The following LAMC2 variants were observed in gnomAD, a reference collection of about 807,000 sequenced individuals.
LAMC2 encodes the protein laminin subunit gamma 2, also known as laminin subunit gamma-2.
A neutral mutation model predicts 140.2 loss-of-function variants in LAMC2; 97 were observed. The observed-to-expected ratio is 0.69, with a 90% confidence interval of 0.59 to 0.82. The LOEUF (loss-of-function observed/expected upper bound fraction) is 0.82. Ranked by LOEUF, LAMC2 falls within the 40% of genes least tolerant of loss-of-function variation. LAMC2 has a pLI of 0.00. For synonymous variants in LAMC2, 513 were observed against 540.2 expected (o/e 0.95, Z 0.70); for missense variants, 1,402 against 1,476.1 (o/e 0.95, Z 0.82).
At position 183,227,699 on chromosome 1, in the gene LAMC2, T is replaced by C. The variant is rs1659671617; in HGVS notation, c.1468+2T>C. On this transcript the variant is annotated splice_donor_variant, in intron 10 of 22. Coordinates refer to ENST00000264144, the MANE Select transcript of LAMC2 (RefSeq NM_005562.3). LOFTEE classifies it high-confidence loss of function. ...ATAACTGCCCTCCCGGGGTCACCGG[T>C]AAGGCCATGGGTCTGCTCTGCCACC... 1.2e-6 allele frequency: 2 copies of C among 1,613,912 alleles called. No individual in the cohort carries two copies. The highest frequency in any genetic ancestry group is 1.7e-6 in the Non-Finnish European group (2 of 1,179,824).
At chr1:183,240,476 A>AGG in intron 22 of LAMC2, 85 bp downstream of exon 22, 1 of 1,563,366 alleles carries the variant, frequency 6.4e-7, no homozygotes, top group Non-Finnish European at 8.7e-7. Context: ...GCCCCAGCAA[A>AGG]GGGGAGTCTC....
chr1:183,240,089 T>C lies in LAMC2; in HGVS notation c.3119T>C (p.Leu1040Ser). The change falls in exon 21 of 23, where the codon TTG becomes TCG. Residue 1040 changes from leucine to serine, a missense_variant. Coordinates refer to ENST00000264144, the MANE Select transcript of LAMC2 (RefSeq NM_005562.3). Reference protein sequence around the residue: ...LEANVTADGALAMEKGLASLK... With the variant: ...LEANVTADGASAMEKGLASLK... The stretch of plus-strand genomic sequence containing the variant: ...GCCAATGTGACAGCAGATGGAGCCT[T>C]GGCCATGGAAAAGGGACTGGCCTCT... 6.2e-7 allele frequency: 1 copy of C among 1,614,168 alleles called. No homozygotes were observed. Among genetic ancestry groups the C allele is most frequent in the Non-Finnish European group, 8.5e-7 (1 of 1,180,022 alleles).
chr1:183,246,877 A>G (rs2102262335), downstream of LAMC2, among the ~76,000 whole-genome samples: 1 of 152,378 alleles, frequency 6.6e-6, no homozygotes, highest in East Asian at 1.9e-4. Flanking sequence ...GGCTACATGG[A>G]ACTTTCTAAG....
At chr1:183,239,632 G>A in intron 20 of LAMC2, 69 bp downstream of exon 20, 1 of 1,375,300 alleles carries the variant, frequency 7.3e-7, no homozygotes, top group Non-Finnish European at 1.0e-6. Flanking sequence ...GAGGGAAAAA[G>A]AACATTGAGC....
chr1:183,240,377 T>A lies in LAMC2; in HGVS notation c.3314T>A (p.Leu1105His), dbSNP rs901074396. 1.9e-6 allele frequency: 3 copies of A among 1,614,176 alleles called. No homozygotes were observed. The highest frequency in any genetic ancestry group is 1.7e-6 in the Non-Finnish European group (2 of 1,180,020). ...GACACACTCAACACATTAGACGGCCTCCTGCATCTGATGGGTATGTGAACC... is the reference window on the plus strand; with the variant it reads ...GACACACTCAACACATTAGACGGCCACCTGCATCTGATGGGTATGTGAACC... The part of the protein sequence containing the change: ...IQDTLNTLDG[L>H]LHLMDQPLSV... The change falls in exon 22 of 23, where the codon CTC becomes CAC. Residue 1105 changes from leucine (L) to histidine (H), a missense_variant. Leu to His is a moderately conservative substitution (Grantham distance 99, BLOSUM62 -3). This residue lies in a region of LAMC2 where 670 missense variants were observed against 667.2 expected (regional missense o/e 1.00). Coordinates refer to ENST00000264144, the MANE Select transcript of LAMC2 (RefSeq NM_005562.3).
At position 183,228,826 on chromosome 1, in the gene LAMC2, G is replaced by C. The variant is rs924731601; in HGVS notation, c.1714+207G>C. Reference sequence around the variant, plus strand: ...CTGTAGCCAGGCTCTGGAAGACAGAGCTGGGTTAAAGCTGGGTGGGAGAAG... The same window carrying C: ...CTGTAGCCAGGCTCTGGAAGACAGACCTGGGTTAAAGCTGGGTGGGAGAAG... On this transcript the variant is annotated intron_variant, in intron 11 of 22. Coordinates refer to ENST00000264144, the MANE Select transcript of LAMC2 (RefSeq NM_005562.3). The surrounding 1 kb of genome is among the most constrained non-coding windows in gnomAD (Gnocchi z 4.3). Among the ~76,000 whole-genome samples, 2 of 152,202 alleles carry C rather than the reference G, an allele frequency of 1.3e-5. No homozygotes were observed. Among genetic ancestry groups the C allele is most frequent in the African/African-American group, 4.8e-5 (2 of 41,450 alleles).
At chr1:183,239,981 A>G in intron 20 of LAMC2, 59 bp from the exon 21 acceptor site, 1 of 1,586,458 alleles carries the variant, frequency 6.3e-7, no homozygotes, top group Non-Finnish European at 8.7e-7. Context: ...TGTCTTTGGG[A>G]TGTTTTTGTG....
intron 13 of LAMC2, 78 bp downstream of exon 13, chr1:183,232,421 C>A: frequency 2.7e-6 from 4 of 1,475,080 alleles, no homozygotes; most frequent in Non-Finnish European, 3.8e-6. Flanking sequence ...GTCATAGAAT[C>A]TTCTATGGAT....
At position 183,186,388 on chromosome 1, in the gene LAMC2, C is replaced by T. The variant is rs1352517062; in HGVS notation, c.36C>T (p.Phe12=). The change falls in exon 1 of 23, where the codon TTC becomes TTT. Residue 12 remains phenylalanine (F), a synonymous_variant. Coordinates refer to ENST00000264144, the MANE Select transcript of LAMC2 (RefSeq NM_005562.3). The part of the protein sequence containing the change: ...PALWLGCCLC[F]SLLLPAARAT... ...TCTGGCTGGGCTGCTGCCTCTGCTT[C>T]TCGCTCCTCCTGCCCGCAGCCCGGG... 2.5e-6 allele frequency: 4 copies of T among 1,605,876 alleles called. No individual in the cohort carries two copies. The highest frequency in any genetic ancestry group is 1.7e-4 in the Middle Eastern group (1 of 6,014).
chr1:183,239,823 C>T, intron 20 of LAMC2: 1 of 657,722 alleles, frequency 1.5e-6, no homozygotes, highest in Non-Finnish European at 2.7e-6. Context: ...GAAGCACTGT[C>T]TGGCCGCTGA....
At position 183,186,361 on chromosome 1, in the gene LAMC2, G is replaced by A; in HGVS notation, c.9G>A (p.Ala3=). 6.2e-7 allele frequency: 1 copy of A among 1,601,928 alleles called. No homozygotes were observed. The highest frequency in any genetic ancestry group is 8.5e-7 in the Non-Finnish European group (1 of 1,178,750). Residue 3 remains alanine (A), a synonymous_variant, in exon 1 of 23, where the codon GCG becomes GCA. Coordinates refer to ENST00000264144, the MANE Select transcript of LAMC2 (RefSeq NM_005562.3). MP[A]LWLGCCLCFS... ...AGCGGCCCGGCCCCGCCATGCCTGC[G>A]CTCTGGCTGGGCTGCTGCCTCTGCT... is the stretch of plus-strand genomic sequence containing the variant.
chr1:183,247,056 A>G (rs1025636229), downstream of LAMC2, among the ~76,000 whole-genome samples: 3 of 152,262 alleles, frequency 2.0e-5, no homozygotes, highest in Non-Finnish European at 4.4e-5. Context: ...CACGCCTGTA[A>G]TCCCAGCACT....
intron 1 of LAMC2, among the ~76,000 whole-genome samples, chr1:183,202,603 A>T (rs1422370652): frequency 1.3e-5 from 2 of 152,244 alleles, no homozygotes; most frequent in Non-Finnish European, 2.9e-5. Context: ...GACAAAGATC[A>T]TGAAGCAGAC....
intron 1 of LAMC2, among the ~76,000 whole-genome samples, chr1:183,202,200 A>G (rs932326594): frequency 2.0e-5 from 3 of 151,658 alleles, no homozygotes; most frequent in African/African-American, 7.3e-5. Context: ...TCAAAAAAAG[A>G]AAAACAGCAA....
intron 2 of LAMC2, among the ~76,000 whole-genome samples, chr1:183,213,819 A>T (rs2102206986): frequency 6.7e-6 from 1 of 148,922 alleles, no homozygotes; most frequent in African/African-American, 2.5e-5. Flanking sequence ...TAATCCCAGC[A>T]CTTTGGGAGG....
intron 1 of LAMC2, among the ~76,000 whole-genome samples, chr1:183,203,007 C>T (rs576909668): frequency 1.3e-5 from 2 of 152,262 alleles, no homozygotes; most frequent in East Asian, 3.9e-4. Flanking sequence ...TATAATAGGG[C>T]TTCCTTTTTC....
intron 6 of LAMC2, among the ~76,000 whole-genome samples, chr1:183,222,619 T>C (rs1359204337): frequency 6.6e-6 from 1 of 152,038 alleles, no homozygotes; most frequent in Non-Finnish European, 1.5e-5. Flanking sequence ...GGTACGTGCC[T>C]TGGTGGAAAA....
At chr1:183,199,661 C>T (rs1208042320) in intron 1 of LAMC2, among the ~76,000 whole-genome samples, 5 of 152,136 alleles carry the variant, frequency 3.3e-5, no homozygotes, top group Admixed American at 6.5e-5. Context: ...CAGGATAGAA[C>T]GAGGCAAATG....
In LAMC2 at chr1:183,226,932, C is replaced by A. The variant is rs375319543; in HGVS notation, c.1285+16C>A. 1.9e-6 allele frequency: 3 copies of A among 1,601,112 alleles called. No homozygotes were observed. The highest frequency in any genetic ancestry group is 2.6e-6 in the Non-Finnish European group (3 of 1,168,932). On this transcript the variant is annotated intron_variant, in intron 9 of 22. Transcript: ENST00000264144. The stretch of plus-strand genomic sequence containing the variant: ...CCAGACACAGGTGAGTGAAATGACA[C>A]CTGGACCAGGTGGCTGGGGTGTCAT...
Sources: allele counts gnomAD v4.1 joint callset (sites outside exome capture counted in the v4.1 genomes callset), GRCh38; gene constraint gnomAD v4.1.1; regional missense constraint gnomAD v4.1.1; non-coding constraint Gnocchi (gnomAD v3.1); transcripts MANE v1.5; gene names NCBI Gene and HGNC (gene_info 2026-07-23, HGNC 2026-07-21).